CNTNAP2: variants seen among roughly 807,000 people sequenced by gnomAD.
The protein encoded by CNTNAP2 is contactin associated protein 2.
CNTNAP2 carries 98 observed loss-of-function variants against 155.2 expected under a neutral mutation model. That is an observed-to-expected ratio of 0.63 (90% CI 0.54 to 0.75). The LOEUF (loss-of-function observed/expected upper bound fraction) is 0.75, where lower values mean the gene tolerates loss of function less well. Ranked by LOEUF, CNTNAP2 falls within the 30% of genes least tolerant of loss-of-function variation. The probability of loss-of-function intolerance (pLI) is 0.00; values close to 1 mark genes in which losing one functional copy is unlikely to be tolerated. For synonymous variants in CNTNAP2, 651 were observed against 631.2 expected (o/e 1.03, Z -0.47); for missense variants, 1,727 against 1,688.1 (o/e 1.02, Z -0.40).
At chr7:146,806,494 CAAA>C (rs5888222) in intron 2 of CNTNAP2, among the ~76,000 whole-genome samples, 5 of 148,290 alleles carry the variant, frequency 3.4e-5, no homozygotes, top group Admixed American at 6.7e-5. Flanking sequence ...AAAATTCCAT[CAAA>C]AAAAAAAAAG....
At chr7:146,616,910 C>G (rs1233909725) in intron 1 of CNTNAP2, among the ~76,000 whole-genome samples, 4 of 152,042 alleles carry the variant, frequency 2.6e-5, no homozygotes, top group Non-Finnish European at 4.4e-5. Flanking sequence ...GAAAAAAAAC[C>G]TAAAGTTGCT....
At chr7:147,677,553 T>G (rs1481038602) in intron 13 of CNTNAP2, among the ~76,000 whole-genome samples, 1 of 151,916 alleles carries the variant, frequency 6.6e-6, no homozygotes, top group Non-Finnish European at 1.5e-5. Flanking sequence ...TTTGCTTTTG[T>G]CGCCTGTGCT....
At chr7:147,013,736 T>G (rs1208526804) in intron 3 of CNTNAP2, among the ~76,000 whole-genome samples, 1 of 152,176 alleles carries the variant, frequency 6.6e-6, no homozygotes, top group Non-Finnish European at 1.5e-5. Context: ...GGAAGTATTT[T>G]CTTACCGTTT....
intron 13 of CNTNAP2, among the ~76,000 whole-genome samples, chr7:147,677,197 G>A (rs761327935): frequency 3.3e-5 from 5 of 151,356 alleles, no homozygotes; most frequent in African/African-American, 7.3e-5. Context: ...TCTTTTTGAC[G>A]TTCTGAGAAG....
chr7:146,726,490 A>T (rs1400101188), intron 1 of CNTNAP2, among the ~76,000 whole-genome samples: 1 of 152,200 alleles, frequency 6.6e-6, no homozygotes, highest in Non-Finnish European at 1.5e-5. Flanking sequence ...CAATTGTATA[A>T]CAAGTGTTTG....
Position 147,981,786 on chromosome 7 carries a change from G to GGTGTGTGTGTGTGT in CNTNAP2, c.2383+3815_2383+3828dup, listed in dbSNP as rs57272792. Among the ~76,000 whole-genome samples, 1,188 of 143,722 alleles carry GGTGTGTGTGTGTGT rather than the reference G, an allele frequency of 8.3e-3. 11 individuals carry two copies. Among genetic ancestry groups the GGTGTGTGTGTGTGT allele is most frequent in the African/African-American group, 0.013 (499 of 38,726 alleles). 94.3% of individuals were successfully genotyped at this position (143,722 alleles called of 152,430 possible). ...TCTGTGAAATGCTTATGTCCTTACA[G>GGTGTGTGTGTGTGT]GTGTGTGTGTGTGTGTGTGTGTGTG... On this transcript the variant is annotated intron_variant, in intron 15 of 23. Coordinates refer to ENST00000361727, the MANE Select transcript of CNTNAP2 (RefSeq NM_014141.6).
intron 1 of CNTNAP2, among the ~76,000 whole-genome samples, chr7:146,646,527 TACAC>T (rs1799815302): frequency 6.6e-6 from 1 of 152,194 alleles, no homozygotes; most frequent in Non-Finnish European, 1.5e-5. Context: ...AAAGTATATA[TACAC>T]ACAGTAGTTA....
At chr7:146,988,682 T>C (rs1216868106) in intron 3 of CNTNAP2, among the ~76,000 whole-genome samples, 1 of 152,176 alleles carries the variant, frequency 6.6e-6, no homozygotes, top group Non-Finnish European at 1.5e-5. Flanking sequence ...GATATGTATC[T>C]TCAGTTAGAC....
intron 21 of CNTNAP2, among the ~76,000 whole-genome samples, chr7:148,305,268 C>T (rs1400159862): frequency 6.9e-6 from 1 of 144,070 alleles, no homozygotes; most frequent in Non-Finnish European, 1.5e-5. Flanking sequence ...CTTTCCTACA[C>T]ACTATTTTGT....
Position 147,713,294 on chromosome 7 carries a change from C to T in CNTNAP2, c.2098+73988C>T, listed in dbSNP as rs188598821. ...ATTAAGGGATAGAACAGTTCGAACA[C>T]CCTAAATATTTTCCTTGTGACTTTG... On this transcript the variant is annotated intron_variant, in intron 13 of 23. Transcript: ENST00000361727. Among the ~76,000 whole-genome samples, 21 of 152,200 alleles carry T rather than the reference C, an allele frequency of 1.4e-4. No individual in the cohort carries two copies. The East Asian group carries it at 2.3e-3, about 17-fold the overall frequency.
intron 9 of CNTNAP2, among the ~76,000 whole-genome samples, chr7:147,365,591 T>TAAAAC (rs1206789632): frequency 2.0e-5 from 3 of 152,072 alleles, no homozygotes; most frequent in Admixed American, 2.0e-4. Context: ...CCCTAAAAAT[T>TAAAAC]AAAACATGGA....
intron 9 of CNTNAP2, among the ~76,000 whole-genome samples, chr7:147,360,026 G>T (rs957640545): frequency 2.0e-5 from 3 of 151,994 alleles, no homozygotes; most frequent in Admixed American, 2.0e-4. Context: ...CACTGAATGA[G>T]TACCTGGCAT....
intron 3 of CNTNAP2, among the ~76,000 whole-genome samples, chr7:147,006,473 C>T (rs1464808800): frequency 6.6e-6 from 1 of 151,862 alleles, no homozygotes; most frequent in Non-Finnish European, 1.5e-5. Context: ...CCTCAGGGGC[C>T]TTTAGCTCAA....
intron 13 of CNTNAP2, among the ~76,000 whole-genome samples, chr7:147,802,179 G>A: frequency 6.7e-6 from 1 of 149,450 alleles, no homozygotes; most frequent in South Asian, 2.1e-4. Context: ...TCCCAGACGG[G>A]GCGGCGGGGC....
intron 3 of CNTNAP2, among the ~76,000 whole-genome samples, chr7:146,997,079 A>G (rs568187334): frequency 6.6e-6 from 1 of 152,138 alleles, no homozygotes; most frequent in South Asian, 2.1e-4. Flanking sequence ...TTTTCTTTAT[A>G]AATTATCCAG....
At chr7:146,257,029 A>T (rs1799849892) in intron 1 of CNTNAP2, among the ~76,000 whole-genome samples, 1 of 152,190 alleles carries the variant, frequency 6.6e-6, no homozygotes, top group African/African-American at 2.4e-5. Context: ...TGTTTTTAGC[A>T]TTTTAATTTG....
chr7:146,322,528 C>T (rs927659363), intron 1 of CNTNAP2, among the ~76,000 whole-genome samples: 1 of 151,310 alleles, frequency 6.6e-6, no homozygotes, highest in Non-Finnish European at 1.5e-5. Flanking sequence ...GGTGCAGTCT[C>T]AGAATGAAAC....
chr7:147,029,274 C>A (rs776246440), intron 3 of CNTNAP2, among the ~76,000 whole-genome samples: 2 of 152,000 alleles, frequency 1.3e-5, no homozygotes, highest in Non-Finnish European at 2.9e-5. Context: ...AAGATACATT[C>A]TTGAGTGAGA....
At chr7:147,375,256 T>C (rs2116921506) in intron 9 of CNTNAP2, among the ~76,000 whole-genome samples, 1 of 151,152 alleles carries the variant, frequency 6.6e-6, no homozygotes, top group South Asian at 2.1e-4. Context: ...CATGATGATA[T>C]TATGAAATAG....
Sources: gnomAD v4.1 joint callset for allele counts (sites outside exome capture counted in the v4.1 genomes callset) on GRCh38, gnomAD v4.1.1 for gene constraint, MANE v1.5 for transcripts, NCBI Gene and HGNC (gene_info 2026-07-23, HGNC 2026-07-21) for gene names.